HMGCLL1: variants seen among roughly 807,000 people sequenced by gnomAD.
The protein encoded by HMGCLL1 is 3-hydroxy-3-methylglutaryl-CoA lyase like 1.
HMGCLL1 carries 36 observed loss-of-function variants against 39.1 expected under a neutral mutation model. The ratio of observed to expected loss-of-function variants is 0.92; its 90% confidence interval spans 0.71 to 1.22. The LOEUF is 1.22. Ranked by LOEUF, HMGCLL1 falls within the 50% of genes most tolerant of loss-of-function variation. The probability of loss-of-function intolerance (pLI) is 0.00; values close to 1 mark genes in which losing one functional copy is unlikely to be tolerated. For missense variants in HMGCLL1, 451 were observed against 416.5 expected (o/e 1.08, Z -0.72); for synonymous variants, 149 against 144.0 (o/e 1.03, Z -0.25).
the HMGCLL1 span, among the ~76,000 whole-genome samples, chr6:55,645,935 C>T: frequency 1.3e-5 from 2 of 151,688 alleles, no homozygotes; most frequent in Admixed American, 1.3e-4. Flanking sequence ...ATTCTCTCTT[C>T]TTCTATGATT....
At chr6:55,609,442 G>T in the HMGCLL1 span, among the ~76,000 whole-genome samples, 1 of 152,134 alleles carries the variant, frequency 6.6e-6, no homozygotes, top group African/African-American at 2.4e-5. Context: ...TTTTAGGCCA[G>T]ACCCTGACCC....
chr6:55,580,715 G>A (rs1339055944), upstream of HMGCLL1, among the ~76,000 whole-genome samples: 1 of 151,994 alleles, frequency 6.6e-6, no homozygotes, highest in South Asian at 2.1e-4. Context: ...GCGCCCAGCC[G>A]GATGTTTAAC....
intron 7 of HMGCLL1, among the ~76,000 whole-genome samples, chr6:55,494,031 C>A (rs1251747871): frequency 6.6e-6 from 1 of 152,162 alleles, no homozygotes; most frequent in Non-Finnish European, 1.5e-5. Context: ...AGCCACCGCG[C>A]CTGGCCCCTT....
the HMGCLL1 span, among the ~76,000 whole-genome samples, chr6:55,614,726 AG>A: frequency 6.6e-6 from 1 of 152,118 alleles, no homozygotes; most frequent in Admixed American, 6.6e-5. Flanking sequence ...CAACTTTTAT[AG>A]GTTACTTAGT....
the HMGCLL1 span, among the ~76,000 whole-genome samples, chr6:55,625,797 GTGGA>G: frequency 6.6e-6 from 1 of 152,166 alleles, no homozygotes; most frequent in African/African-American, 2.4e-5. Flanking sequence ...GAAGAGGTAT[GTGGA>G]TGAGTGGTCA....
chr6:55,578,849 G>A, intron 1 of HMGCLL1, 99 bp downstream of exon 1: 1 of 829,536 alleles, frequency 1.2e-6, no homozygotes, highest in Non-Finnish European at 2.0e-6. Flanking sequence ...GGGTGAGGAG[G>A]TGACATAAAG....
At chr6:55,636,182 CA>C in the HMGCLL1 span, among the ~76,000 whole-genome samples, 2 of 151,906 alleles carry the variant, frequency 1.3e-5, no homozygotes, top group Non-Finnish European at 2.9e-5. Context: ...GAGACCACCT[CA>C]AAAGGGAATA....
At chr6:55,675,113 C>T in the HMGCLL1 span, among the ~76,000 whole-genome samples, 10 of 152,066 alleles carry the variant, frequency 6.6e-5, no homozygotes, top group African/African-American at 2.2e-4. Context: ...TATTTTTGAT[C>T]AAAGGAATTA....
At chr6:55,654,035 A>C in the HMGCLL1 span, among the ~76,000 whole-genome samples, 2 of 152,030 alleles carry the variant, frequency 1.3e-5, no homozygotes, top group Non-Finnish European at 2.9e-5. Context: ...GCATGGCAAG[A>C]CTGGGATCAT....
At chr6:55,672,675 A>G in the HMGCLL1 span, among the ~76,000 whole-genome samples, 2 of 151,920 alleles carry the variant, frequency 1.3e-5, no homozygotes, top group Non-Finnish European at 2.9e-5. Flanking sequence ...CATAAGAAGT[A>G]CTATTCAAAC....
At chr6:55,449,263 A>G (rs1256878020) in intron 7 of HMGCLL1, among the ~76,000 whole-genome samples, 4 of 152,336 alleles carry the variant, frequency 2.6e-5, no homozygotes, top group Middle Eastern at 3.4e-3. Context: ...ATGTGACTAC[A>G]GTCTAGCCAA....
chr6:55,588,116 A>ACACCACAC, the HMGCLL1 span, among the ~76,000 whole-genome samples: 1 of 152,140 alleles, frequency 6.6e-6, no homozygotes, highest in African/African-American at 2.4e-5. Context: ...TCTCAGCACC[A>ACACCACAC]CACCACACCT....
At chr6:55,457,246 A>G (rs899683588) in intron 7 of HMGCLL1, among the ~76,000 whole-genome samples, 1 of 152,202 alleles carries the variant, frequency 6.6e-6, no homozygotes, top group African/African-American at 2.4e-5. Context: ...TTCACTGTCT[A>G]TCCTCTTCTA....
the HMGCLL1 span, among the ~76,000 whole-genome samples, chr6:55,651,507 G>A: frequency 2.0e-5 from 3 of 152,066 alleles, no homozygotes; most frequent in Non-Finnish European, 1.5e-5. Context: ...TTAAGCAGAA[G>A]GAAGGAGCAA....
chr6:55,492,687 C>G (rs1290677080), intron 7 of HMGCLL1, among the ~76,000 whole-genome samples: 1 of 152,194 alleles, frequency 6.6e-6, no homozygotes, highest in Non-Finnish European at 1.5e-5. Flanking sequence ...CTTCTCCGGC[C>G]TCATATCATG....
the HMGCLL1 span, among the ~76,000 whole-genome samples, chr6:55,624,095 G>A: frequency 6.6e-6 from 1 of 152,084 alleles, no homozygotes; most frequent in African/African-American, 2.4e-5. Flanking sequence ...CCCAGTGCAT[G>A]CTTACCCATG....
At chr6:55,501,382 C>A (rs971315596) in intron 5 of HMGCLL1, among the ~76,000 whole-genome samples, 1 of 151,880 alleles carries the variant, frequency 6.6e-6, no homozygotes, top group Admixed American at 6.6e-5. Context: ...TTTTACACTA[C>A]AGCAGAGTTG....
intron 1 of HMGCLL1, 23 bp downstream of exon 1, chr6:55,578,925 C>CA: frequency 2.5e-6 from 4 of 1,572,430 alleles, no homozygotes; most frequent in Non-Finnish European, 3.5e-6. Context: ...AGGGTGGGGA[C>CA]ACCCTGGGCC....
intron 1 of HMGCLL1, among the ~76,000 whole-genome samples, chr6:55,562,079 A>G (rs377293571): frequency 2.0e-4 from 30 of 151,952 alleles, no homozygotes; most frequent in Admixed American, 5.3e-4. Context: ...TTATAAGTGA[A>G]CTAAGCCTCT....
Sources: allele counts gnomAD v4.1 joint callset (sites outside exome capture counted in the v4.1 genomes callset), GRCh38; gene constraint gnomAD v4.1.1; transcripts MANE v1.5; gene names NCBI Gene and HGNC (gene_info 2026-07-23, HGNC 2026-07-21).